The following KIAA0513 variants were observed in gnomAD, a reference collection of about 807,000 sequenced individuals.
The protein encoded by KIAA0513 is KIAA0513.
In KIAA0513, 39 loss-of-function variants were observed where a neutral mutation model predicts 56.5. The ratio of observed to expected loss-of-function variants is 0.69; its 90% CI spans 0.53 to 0.90. The LOEUF (loss-of-function observed/expected upper bound fraction) is 0.90. KIAA0513 is among the 40% of genes least tolerant of loss of function. The probability of loss-of-function intolerance (pLI) is 0.00; values close to 1 mark genes in which losing one functional copy is unlikely to be tolerated. For missense variants in KIAA0513, 591 were observed against 535.2 expected (o/e 1.10, Z -1.03); for synonymous variants, 268 against 215.6 (o/e 1.24, Z -2.13).
chr16:85,093,791 T>C lies in KIAA0513; in HGVS notation c.*5466T>C, dbSNP rs1166860300. Reference sequence around the variant, plus strand: ...ACGTGGAGAAAGAGAAGGCAAACGTTGGAACACTAGGAAAAGCTAGAAATT... The same window carrying C: ...ACGTGGAGAAAGAGAAGGCAAACGTCGGAACACTAGGAAAAGCTAGAAATT... On this transcript the variant is annotated 3_prime_UTR_variant, in exon 13 of 13. Coordinates refer to ENST00000683363, the MANE Select transcript of KIAA0513 (RefSeq NM_001388359.1). 4 of 152,254 alleles carry C rather than the reference T, an allele frequency of 2.6e-5. No individual in the cohort carries two copies. The highest frequency in any genetic ancestry group is 9.7e-5 in the African/African-American group (4 of 41,424). 9.4% of individuals were successfully genotyped at this position (152,254 alleles called of 1,614,324 possible). A position where few individuals can be genotyped will look rare whatever the true frequency, so the allele number is the denominator to read the frequency against.
chr16:85,055,112 C>T (rs2073310098), intron 1 of KIAA0513, among the ~76,000 whole-genome samples: 2 of 151,974 alleles, frequency 1.3e-5, no homozygotes, highest in African/African-American at 4.8e-5. Context: ...TTTTTAGAGA[C>T]AGAGTCTCAC....
chr16:85,036,100 C>T (rs2073033151), intron 1 of KIAA0513, among the ~76,000 whole-genome samples: 1 of 152,120 alleles, frequency 6.6e-6, no homozygotes, highest in Admixed American at 6.6e-5. Flanking sequence ...CAGGCATGAA[C>T]CACCACACCT....
intron 10 of KIAA0513, 22 bp downstream of exon 10, chr16:85,082,615 T>A (rs199983813): frequency 1.6e-5 from 26 of 1,613,798 alleles, no homozygotes; most frequent in Non-Finnish European, 2.2e-5. Flanking sequence ...CACGTGACTT[T>A]GTTCCATTTT....
chr16:85,038,371 A>G (rs2073062219), intron 1 of KIAA0513, among the ~76,000 whole-genome samples: 1 of 152,238 alleles, frequency 6.6e-6, no homozygotes, highest in South Asian at 2.1e-4. Context: ...TTTTAAATCT[A>G]GCAGCCACAT....
chr16:85,032,581 C>T (rs2072979812), intron 1 of KIAA0513, among the ~76,000 whole-genome samples: 2 of 152,168 alleles, frequency 1.3e-5, no homozygotes, highest in South Asian at 4.1e-4. Flanking sequence ...GATCCTCCTG[C>T]CTTGGCCTCT....
At chr16:85,071,973 C>T (rs2073583532) in intron 3 of KIAA0513, 91 bp downstream of exon 3, 3 of 862,362 alleles carry the variant, frequency 3.5e-6, no homozygotes, top group Admixed American at 4.8e-5. Context: ...TACAATGACA[C>T]TCTGGAGAAA....
At chr16:85,083,349 A>T (rs567854119) in intron 10 of KIAA0513, among the ~76,000 whole-genome samples, 27 of 152,328 alleles carry the variant, frequency 1.8e-4, no homozygotes, top group African/African-American at 6.3e-4. Context: ...TGGAGGATTC[A>T]TGAAGTTGCC....
intron 1 of KIAA0513, among the ~76,000 whole-genome samples, chr16:85,062,713 C>G (rs2073423412): frequency 6.6e-6 from 1 of 152,156 alleles, no homozygotes; most frequent in South Asian, 2.1e-4. Flanking sequence ...TTCAGCATTC[C>G]TTAGAAACCT....
intron 1 of KIAA0513, among the ~76,000 whole-genome samples, chr16:85,039,761 C>A (rs181006253): frequency 1.1e-3 from 163 of 152,062 alleles, no homozygotes; most frequent in African/African-American, 3.9e-3. Context: ...GTGTGAGCCA[C>A]CACTGCTGGC....
In KIAA0513 at chr16:85,092,375, T is replaced by C. The variant is rs2073877984; in HGVS notation, c.*4050T>C. On this transcript the variant is annotated 3_prime_UTR_variant, in exon 13 of 13. Coordinates refer to ENST00000683363, the MANE Select transcript of KIAA0513 (RefSeq NM_001388359.1). ...AGTGTTTCCAAGAACAGTGTGGAGC[T>C]TGAGAAAGAGAACTTTAAAAATTAG... is the stretch of plus-strand genomic sequence containing the variant. 1 of 152,198 alleles carries C rather than the reference T, an allele frequency of 6.6e-6. No individual in the cohort carries two copies. The highest frequency in any genetic ancestry group is 6.5e-5 in the Admixed American group (1 of 15,286). 9.4% of individuals were successfully genotyped at this position (152,198 alleles called of 1,614,324 possible). A position where few individuals can be genotyped will look rare whatever the true frequency, so the allele number is the denominator to read the frequency against.
At chr16:85,034,463 A>G (rs1363917583) in intron 1 of KIAA0513, among the ~76,000 whole-genome samples, 10 of 152,146 alleles carry the variant, frequency 6.6e-5, no homozygotes, top group Admixed American at 6.5e-4. Context: ...GCTTAGCAGA[A>G]ATGAGTCTGT....
At chr16:85,069,267 G>C (rs1793086526) in intron 2 of KIAA0513, among the ~76,000 whole-genome samples, 1 of 151,090 alleles carries the variant, frequency 6.6e-6, no homozygotes, top group Admixed American at 6.6e-5. Context: ...CTTGAGTGCA[G>C]TGGTGCAGTC....
intron 1 of KIAA0513, among the ~76,000 whole-genome samples, chr16:85,064,749 C>T (rs2073453948): frequency 1.3e-5 from 2 of 151,970 alleles, no homozygotes; most frequent in Non-Finnish European, 2.9e-5. Flanking sequence ...GCAATGGCAC[C>T]ATCTCGGGTC....
chr16:85,082,374 C>G (rs961032043), intron 9 of KIAA0513, among the ~76,000 whole-genome samples, 190 bp from the exon 10 acceptor site: 1 of 152,102 alleles, frequency 6.6e-6, no homozygotes, highest in Admixed American at 6.5e-5. Flanking sequence ...TGCCCCTAGG[C>G]AGAGGGGCGT....
chr16:85,050,341 TTA>T (rs2073233157), intron 1 of KIAA0513, among the ~76,000 whole-genome samples: 2 of 106,630 alleles, frequency 1.9e-5, no homozygotes, highest in African/African-American at 4.7e-5. Flanking sequence ...ATTTATTTAT[TTA>T]TTTATTTATT....
chr16:85,066,715 A>G (rs760178144), intron 1 of KIAA0513, 185 bp from the exon 2 acceptor site: 2 of 211,150 alleles, frequency 9.5e-6, no homozygotes, highest in Non-Finnish European at 1.9e-5. Context: ...TTCATTTCAC[A>G]AGTATTTATT....
chr16:85,035,264 T>C (rs976615024), intron 1 of KIAA0513, among the ~76,000 whole-genome samples: 1 of 152,224 alleles, frequency 6.6e-6, no homozygotes, highest in Non-Finnish European at 1.5e-5. Context: ...AAGTTCTGTG[T>C]TGTCCTGCTC....
intron 2 of KIAA0513, 55 bp downstream of exon 2, chr16:85,067,455 C>T: frequency 1.4e-6 from 2 of 1,384,194 alleles, no homozygotes; most frequent in East Asian, 4.6e-5. Context: ...CCCAAGGGGA[C>T]TCGCCTCCTG....
chr16:85,037,512 A>G (rs1278224837), intron 1 of KIAA0513, among the ~76,000 whole-genome samples: 1 of 152,188 alleles, frequency 6.6e-6, no homozygotes, highest in Non-Finnish European at 1.5e-5. Flanking sequence ...CACAGTGTCC[A>G]TATGTCAATG....
Sources: gnomAD v4.1 joint callset for allele counts (sites outside exome capture counted in the v4.1 genomes callset) on GRCh38, gnomAD v4.1.1 for gene constraint, MANE v1.5 for transcripts, NCBI Gene and HGNC (gene_info 2026-07-23, HGNC 2026-07-21) for gene names.